CAMK1D: variants seen among roughly 807,000 people sequenced by gnomAD.
The protein encoded by CAMK1D is calcium/calmodulin dependent protein kinase ID, also known as calcium/calmodulin-dependent protein kinase type 1D.
CAMK1D carries 9 observed loss-of-function variants against 47.7 expected under a neutral mutation model. That is an observed-to-expected ratio of 0.19 (90% CI 0.11 to 0.33). CAMK1D has a LOEUF of 0.33. Ranked by LOEUF, CAMK1D falls within the 10% of genes least tolerant of loss-of-function variation. The pLI is 1.00. For missense variants in CAMK1D, 291 were observed against 488.7 expected (o/e 0.60, Z 3.81); for synonymous variants, 184 against 184.9 (o/e 0.99, Z 0.04).
At chr10:12,750,714 A>AT (rs1835904031) in intron 3 of CAMK1D, among the ~76,000 whole-genome samples, 1 of 152,140 alleles carries the variant, frequency 6.6e-6, no homozygotes, top group African/African-American at 2.4e-5. Context: ...GAATGAATGA[A>AT]GTAGAAGTTG....
intron 1 of CAMK1D, among the ~76,000 whole-genome samples, chr10:12,396,784 G>A (rs10906142): frequency 0.29 from 44,808 of 152,010 alleles, 7,068 homozygotes; most frequent in East Asian, 0.54. Context: ...TAGGCTCCCC[G>A]TGGCCATGTC....
chr10:12,623,510 C>CTCTTCCTG, intron 2 of CAMK1D, among the ~76,000 whole-genome samples: 1 of 143,640 alleles, frequency 7.0e-6, no homozygotes, highest in African/African-American at 2.6e-5. Context: ...CTCCCTTCCT[C>CTCTTCCTG]CCTCCCTCTC....
chr10:12,450,454 C>G (rs114526928), intron 1 of CAMK1D, among the ~76,000 whole-genome samples: 2,455 of 152,148 alleles, frequency 0.016, 65 homozygotes, highest in African/African-American at 0.055. Flanking sequence ...AAAGAAGGAT[C>G]GAAGCTTTAG....
chr10:12,652,362 A>G (rs12783873), intron 2 of CAMK1D, among the ~76,000 whole-genome samples: 1 of 150,780 alleles, frequency 6.6e-6, no homozygotes, highest in African/African-American at 2.4e-5. Context: ...TGGGCGGATC[A>G]CAAGGTCAGG....
intron 2 of CAMK1D, among the ~76,000 whole-genome samples, chr10:12,565,740 C>A (rs987342421): frequency 6.6e-6 from 1 of 152,070 alleles, no homozygotes; most frequent in Admixed American, 6.6e-5. Flanking sequence ...GGAATTTGGA[C>A]TTATTTAAGA....
At chr10:12,414,032 C>A (rs1839761515) in intron 1 of CAMK1D, among the ~76,000 whole-genome samples, 1 of 152,136 alleles carries the variant, frequency 6.6e-6, no homozygotes. Context: ...GATGTACTGA[C>A]CTTACTTGAA....
chr10:12,411,249 G>A (rs1839646447), intron 1 of CAMK1D, among the ~76,000 whole-genome samples: 1 of 152,118 alleles, frequency 6.6e-6, no homozygotes, highest in Admixed American at 6.5e-5. Context: ...GGCAGAATGC[G>A]GAGATTCTGA....
chr10:12,566,359 C>T (rs991096530), intron 2 of CAMK1D, among the ~76,000 whole-genome samples: 2 of 152,096 alleles, frequency 1.3e-5, no homozygotes, highest in African/African-American at 2.4e-5. Flanking sequence ...ATGAGGTGGC[C>T]GGCCTTCTTC....
At chr10:12,717,731 G>GAAAAA (rs11289567) in intron 3 of CAMK1D, among the ~76,000 whole-genome samples, 2 of 121,194 alleles carry the variant, frequency 1.7e-5, no homozygotes, top group African/African-American at 7.0e-5. Context: ...ACAAAAAATT[G>GAAAAA]AAAAAAAAAA....
At chr10:12,427,700 G>GTTTTTTGTTTTTTTTTTTT (rs1840284197) in intron 1 of CAMK1D, among the ~76,000 whole-genome samples, 6 of 31,028 alleles carry the variant, frequency 1.9e-4, no homozygotes, top group Admixed American at 9.9e-4. Context: ...TGAACTTACT[G>GTTTTTTGTTTTTTTTTTTT]TTTTTTTTTT....
chr10:12,611,355 G>A (rs1173056919), intron 2 of CAMK1D, among the ~76,000 whole-genome samples: 1 of 152,108 alleles, frequency 6.6e-6, no homozygotes, highest in Non-Finnish European at 1.5e-5. Flanking sequence ...CTTCCGTGCT[G>A]ACATTCTGAC....
intron 1 of CAMK1D, among the ~76,000 whole-genome samples, chr10:12,522,231 G>T (rs1184511910): frequency 2.9e-5 from 4 of 137,198 alleles, no homozygotes; most frequent in South Asian, 2.4e-4. Context: ...ATCATTCTTG[G>T]GTGTTTCTCG....
intron 2 of CAMK1D, among the ~76,000 whole-genome samples, chr10:12,602,669 G>A (rs541532528): frequency 3.9e-5 from 6 of 152,208 alleles, no homozygotes; most frequent in South Asian, 4.2e-4. Flanking sequence ...CATAAAAGGC[G>A]ATGGCTGTTC....
At chr10:12,790,988 C>A (rs1837953862) in intron 5 of CAMK1D, among the ~76,000 whole-genome samples, 170 bp from the exon 6 acceptor site, 1 of 141,450 alleles carries the variant, frequency 7.1e-6, no homozygotes, top group African/African-American at 2.7e-5. Context: ...AGAGCAAGAC[C>A]CTATCTTCCT....
chr10:12,542,378 T>C (rs1319023272), intron 1 of CAMK1D, among the ~76,000 whole-genome samples: 1 of 152,226 alleles, frequency 6.6e-6, no homozygotes, highest in East Asian at 1.9e-4. Flanking sequence ...CAGTCTGATT[T>C]GTATGTAGAA....
chr10:12,387,450 T>TA (rs1838562004), intron 1 of CAMK1D, among the ~76,000 whole-genome samples: 4 of 125,700 alleles, frequency 3.2e-5, no homozygotes, highest in Non-Finnish European at 6.5e-5. Flanking sequence ...ATATTTTATA[T>TA]ATATATATAT....
intron 1 of CAMK1D, among the ~76,000 whole-genome samples, chr10:12,386,654 A>G (rs934416731): frequency 6.6e-6 from 1 of 152,188 alleles, no homozygotes. Context: ...AATTTTGTGG[A>G]AGAACATTTG....
chr10:12,411,800 G>A (rs1186251570), intron 1 of CAMK1D, among the ~76,000 whole-genome samples: 5 of 102,470 alleles, frequency 4.9e-5, no homozygotes, highest in African/African-American at 7.8e-5. Flanking sequence ...GGGTTTCGCC[G>A]TGTTGGGCAG....
At chr10:12,697,161 C>T (rs1384836788) in intron 3 of CAMK1D, among the ~76,000 whole-genome samples, 1 of 152,108 alleles carries the variant, frequency 6.6e-6, no homozygotes, top group Non-Finnish European at 1.5e-5. Flanking sequence ...AATGTGGAGG[C>T]AAATTTGAGT....
Sources: allele counts gnomAD v4.1 joint callset (sites outside exome capture counted in the v4.1 genomes callset), GRCh38; gene constraint gnomAD v4.1.1; transcripts MANE v1.5; gene names NCBI Gene and HGNC (gene_info 2026-07-23, HGNC 2026-07-21).